The following IFNGR1 variants were observed in gnomAD, a reference collection of about 807,000 sequenced individuals.
The protein encoded by IFNGR1 is AVP, type 2.
In IFNGR1, 23 loss-of-function variants were observed where a neutral mutation model predicts 35.4. The ratio of observed to expected loss-of-function variants is 0.65; its 90% CI spans 0.47 to 0.92. The LOEUF (loss-of-function observed/expected upper bound fraction) is 0.92. Among genes scored for constraint, IFNGR1 ranks in the 40% least tolerant of loss-of-function variants. The pLI, the probability that IFNGR1 is intolerant of heterozygous loss-of-function variation, is 0.00. For missense variants in IFNGR1, 533 were observed against 583.4 expected, an observed-to-expected ratio of 0.91 and a Z score of 0.89; for synonymous variants, 199 against 209.5, an observed-to-expected ratio of 0.95 and a Z score of 0.43.
intron 1 of IFNGR1, among the ~76,000 whole-genome samples, chr6:137,216,936 T>C (rs562282591): frequency 2.6e-5 from 4 of 152,282 alleles, no homozygotes; most frequent in African/African-American, 9.6e-5. Context: ...GCAGTTGATC[T>C]TCCCACGGGA....
intron 2 of IFNGR1, 145 bp from the exon 3 acceptor site, chr6:137,206,453 T>C: frequency 3.2e-6 from 2 of 634,532 alleles, no homozygotes; most frequent in South Asian, 2.0e-5. Context: ...CCAGAGAAAG[T>C]AGGAAACCCT....
rs965865469 is a variant in IFNGR1, at chr6:137,215,122, T to C, written c.85+4121A>G. On this transcript the variant is annotated intron_variant, in intron 1 of 6. Coordinates refer to ENST00000367739, the MANE Select transcript of IFNGR1 (RefSeq NM_000416.3). ...CACATCCATCCCGTGAGGGAGACAA[T>C]GTTACCATACATATTTTACCAATGA... The C allele has an allele frequency of 3.1e-5, 32 of 1,018,396 alleles. No individual in the cohort carries two copies. The Admixed American group carries it at 3.3e-4, about 11-fold the overall frequency. 63.1% of individuals were successfully genotyped at this position (1,018,396 alleles called of 1,614,324 possible). A position where few individuals can be genotyped will look rare whatever the true frequency, so the allele number is the denominator to read the frequency against.
chr6:137,199,499 A>AATATATAATTTATAATATATTATATAT (rs1779200572), intron 6 of IFNGR1, among the ~76,000 whole-genome samples: 2 of 21,936 alleles, frequency 9.1e-5, no homozygotes, highest in African/African-American at 4.1e-4. Context: ...ATATTATATA[A>AATATATAATTTATAATATATTATATAT]AATATATAAT....
At chr6:137,217,119 A>T (rs1183836080) in intron 1 of IFNGR1, among the ~76,000 whole-genome samples, 1 of 152,206 alleles carries the variant, frequency 6.6e-6, no homozygotes, top group African/African-American at 2.4e-5. Flanking sequence ...ACATCCAGTC[A>T]GAGGCCTACT....
chr6:137,207,514 C>T (rs1487339388), intron 1 of IFNGR1, among the ~76,000 whole-genome samples: 1 of 152,104 alleles, frequency 6.6e-6, no homozygotes, highest in Non-Finnish European at 1.5e-5. Context: ...TCCCAGAATT[C>T]CCATGTGTTG....
At chr6:137,201,545 C>T (rs530264391) in intron 5 of IFNGR1, among the ~76,000 whole-genome samples, 102 of 151,934 alleles carry the variant, frequency 6.7e-4, no homozygotes, top group Non-Finnish European at 1.1e-3. Context: ...TGGTGGCATG[C>T]GCCTGTAGTC....
At chr6:137,209,936 C>T (rs1028302217) in intron 1 of IFNGR1, 4 of 398,500 alleles carry the variant, frequency 1.0e-5, no homozygotes, top group Non-Finnish European at 1.3e-5. Flanking sequence ...AAAACATACC[C>T]AACATTTCTT....
chr6:137,203,476 GA>G (rs779466995), intron 5 of IFNGR1, 22 bp downstream of exon 5: 19 of 1,311,062 alleles, frequency 1.4e-5, no homozygotes, highest in Non-Finnish European at 1.9e-5. Flanking sequence ...TCTATATTTA[GA>G]AAAAAAATGG....
chr6:137,205,639 C>A (rs1264849151), intron 3 of IFNGR1, among the ~76,000 whole-genome samples: 2 of 152,064 alleles, frequency 1.3e-5, no homozygotes, highest in Non-Finnish European at 2.9e-5. Flanking sequence ...ATGGGAAGGG[C>A]AAGGGTGGTG....
At chr6:137,213,769 A>C (rs1779627885) in intron 1 of IFNGR1, among the ~76,000 whole-genome samples, 1 of 152,208 alleles carries the variant, frequency 6.6e-6, no homozygotes, top group Non-Finnish European at 1.5e-5. Context: ...TATAGTCTGA[A>C]GACACTGGCC....
chr6:137,218,643 C>G lies in IFNGR1; in HGVS notation c.85+600G>C, dbSNP rs142870302. On this transcript the variant is annotated intron_variant, in intron 1 of 6. Coordinates refer to ENST00000367739, the MANE Select transcript of IFNGR1 (RefSeq NM_000416.3). The stretch of plus-strand genomic sequence containing the variant: ...GTATTTAAGCCACGAACTGAGACCA[C>G]GATGCCACATGCTGATCAGGACACT... The G allele has an allele frequency of 2.0e-3, 813 of 397,132 alleles. 4 individuals are homozygous for G. Among genetic ancestry groups the G allele is most frequent in the Middle Eastern group, 7.6e-3 (9 of 1,192 alleles). The allele number at this position is 397,132 out of a possible 1,614,324, so 24.6% of individuals were successfully genotyped here.
At chr6:137,218,341 A>G (rs988697652) in intron 1 of IFNGR1, 24 of 479,090 alleles carry the variant, frequency 5.0e-5, no homozygotes, top group African/African-American at 4.6e-4. Context: ...CGTAATCACA[A>G]TTACTCTGCA....
At chr6:137,214,842 CTT>C (rs902286941) in intron 1 of IFNGR1, among the ~76,000 whole-genome samples, 2 of 152,122 alleles carry the variant, frequency 1.3e-5, no homozygotes, top group African/African-American at 4.8e-5. Flanking sequence ...AAAAACCAAA[CTT>C]TTTTGTCTGT....
In IFNGR1 at chr6:137,208,206, G is replaced by A. The variant is rs769479965; in HGVS notation, c.86-1129C>T. On this transcript the variant is annotated intron_variant, in intron 1 of 6. Transcript: ENST00000367739. ...GCATAGCATTCAAGAAGTGACTTGC[G>A]TGCTGTTAAAGGCATTCAGTTTTAT... Among the ~76,000 whole-genome samples the A allele has an allele frequency of 5.3e-5, 8 of 152,304 alleles. No homozygotes were observed. The East Asian group carries it at 5.8e-4, about 11-fold the overall frequency.
intron 4 of IFNGR1, 77 bp downstream of exon 4, chr6:137,204,255 T>C: frequency 1.6e-5 from 19 of 1,194,190 alleles, no homozygotes; most frequent in Non-Finnish European, 2.3e-5. Flanking sequence ...AGCATCCTAT[T>C]TTCATTACAC....
chr6:137,211,214 T>C (rs556495423), intron 1 of IFNGR1, among the ~76,000 whole-genome samples: 86 of 152,178 alleles, frequency 5.7e-4, no homozygotes, highest in African/African-American at 1.9e-3. Context: ...AAAAATAATA[T>C]AGCCCCAAAT....
chr6:137,198,654 A>G lies in IFNGR1; in HGVS notation c.862-15T>C. ...ACCACAGAGATCTATGGGGAGAAAA[A>G]TTGATTAAAGATAAAAAATTGTTAA... On this transcript the variant is annotated splice_polypyrimidine_tract_variant and intron_variant, in intron 6 of 6. Coordinates refer to ENST00000367739, the MANE Select transcript of IFNGR1 (RefSeq NM_000416.3). 1.2e-6 allele frequency: 2 copies of G among 1,600,398 alleles called. No homozygotes were observed. Among genetic ancestry groups the G allele is most frequent in the Non-Finnish European group, 1.7e-6 (2 of 1,174,586 alleles).
chr6:137,198,726 C>T (rs1582627855), intron 6 of IFNGR1, 87 bp from the exon 7 acceptor site: 1 of 998,612 alleles, frequency 1.0e-6, no homozygotes, highest in East Asian at 2.4e-5. Flanking sequence ...AAGTAATGGA[C>T]CACCAAATGG....
chr6:137,203,090 T>C (rs183777112), intron 5 of IFNGR1, among the ~76,000 whole-genome samples: 7 of 152,352 alleles, frequency 4.6e-5, no homozygotes, highest in African/African-American at 7.2e-5. Context: ...GTCCACGTCA[T>C]ACAGTTGTAA....
Sources: allele counts gnomAD v4.1 joint callset (sites outside exome capture counted in the v4.1 genomes callset), GRCh38; gene constraint gnomAD v4.1.1; transcripts MANE v1.5; gene names NCBI Gene and HGNC (gene_info 2026-07-23, HGNC 2026-07-21).